The following TAB2 variants were observed in gnomAD, a reference collection of about 807,000 sequenced individuals.
TAB2 encodes TGF-beta-activated kinase 1 and MAP3K7-binding protein 2.
In TAB2, 3 loss-of-function variants were observed where a neutral mutation model predicts 65.0. The ratio of observed to expected loss-of-function variants is 0.05; its 90% CI spans 0.02 to 0.12. The LOEUF is 0.12. TAB2 is among the 10% of genes least tolerant of loss of function. The pLI is 1.00. For synonymous variants in TAB2, 298 were observed against 285.1 expected, an observed-to-expected ratio of 1.05 and a Z score of -0.46; for missense variants, 623 against 840.3, an observed-to-expected ratio of 0.74 and a Z score of 3.20.
chr6:149,303,003 C>G (rs963044189), intron 1 of TAB2, among the ~76,000 whole-genome samples: 7 of 152,182 alleles, frequency 4.6e-5, no homozygotes, highest in African/African-American at 1.7e-4. Context: ...GAGCACGAAC[C>G]CTATTGTGAA....
intron 1 of TAB2, among the ~76,000 whole-genome samples, chr6:149,288,305 G>A (rs960357839): frequency 6.6e-6 from 1 of 152,158 alleles, no homozygotes; most frequent in African/African-American, 2.4e-5. Context: ...ATGCAAATTA[G>A]CAGAGAACAG....
intron 6 of TAB2, chr6:149,400,427 T>A (rs1179404548): frequency 1.2e-6 from 2 of 1,614,172 alleles, no homozygotes; most frequent in South Asian, 2.2e-5. Context: ...AAGTCAAGAC[T>A]GAGAACAACA....
At chr6:149,297,233 T>C (rs1008842352) in intron 1 of TAB2, among the ~76,000 whole-genome samples, 1 of 152,158 alleles carries the variant, frequency 6.6e-6, no homozygotes, top group African/African-American at 2.4e-5. Flanking sequence ...ACACCCACAA[T>C]ACAATTATCA....
Position 149,262,139 on chromosome 6 carries a change from A to G in TAB2, c.-121+43363A>G, listed in dbSNP as rs1432458846. ...TGAACTTTTAGCAGAGAAGTTTTACATAGTGTAAAGCAAAGAAGATGATGA... is the reference window on the plus strand; with the variant it reads ...TGAACTTTTAGCAGAGAAGTTTTACGTAGTGTAAAGCAAAGAAGATGATGA... On this transcript the variant is annotated intron_variant, in intron 1 of 1. Transcript: ENST00000606202. Among the ~76,000 whole-genome samples, 3 of 152,350 alleles carry G rather than the reference A, an allele frequency of 2.0e-5. No homozygotes were observed. In the East Asian group the frequency reaches 5.8e-4, roughly 29 times the overall value.
At position 149,305,919 on chromosome 6, in the gene TAB2, T is replaced by C. The variant is rs189288062; in HGVS notation, c.-120-72099T>C. Among the ~76,000 whole-genome samples, 527 of 152,314 alleles carry C rather than the reference T, an allele frequency of 3.5e-3. 3 individuals carry two copies. The highest frequency in any genetic ancestry group is 0.012 in the African/African-American group (500 of 41,570). ...TGAATTCTTCTAGTCAGTAAAGCAATAATGAGGCCTAGGAACATGAAGATG... is the reference window on the plus strand; with the variant it reads ...TGAATTCTTCTAGTCAGTAAAGCAACAATGAGGCCTAGGAACATGAAGATG... On this transcript the variant is annotated intron_variant, in intron 1 of 1. Transcript: ENST00000606202.
chr6:149,376,368 A>T (rs1032502290), intron 2 of TAB2, among the ~76,000 whole-genome samples: 63 of 152,226 alleles, frequency 4.1e-4, no homozygotes, highest in African/African-American at 1.4e-3. Context: ...TATTTTTCAA[A>T]ACTCCTTTGT....
chr6:149,242,401 C>T (rs1251164474), intron 1 of TAB2, among the ~76,000 whole-genome samples: 2 of 152,156 alleles, frequency 1.3e-5, no homozygotes, highest in Admixed American at 1.3e-4. Context: ...CCTATTAGCA[C>T]TTTGAAATCT....
intron 1 of TAB2, among the ~76,000 whole-genome samples, chr6:149,296,022 G>A (rs1778871562): frequency 6.6e-6 from 1 of 152,120 alleles, no homozygotes; most frequent in African/African-American, 2.4e-5. Context: ...TGCCCACCTC[G>A]GCCTCCCAAA....
intron 1 of TAB2, among the ~76,000 whole-genome samples, chr6:149,344,989 A>G (rs545019364): frequency 7.7e-4 from 118 of 152,302 alleles, no homozygotes; most frequent in Admixed American, 2.4e-3. Flanking sequence ...TGATAGTACA[A>G]TAACTTTCCA....
rs1199088235 is a variant in TAB2 at position 149,397,858 on chromosome 6, GTTC to G, written c.1764+97_1764+99del. 1.0e-5 allele frequency: 16 copies of G among 1,579,794 alleles called. No individual in the cohort carries two copies. In the African/African-American group the frequency reaches 2.0e-4, roughly 20 times the overall value. On this transcript the variant is annotated intron_variant, in intron 4 of 6. Coordinates refer to ENST00000637181, the MANE Select transcript of TAB2 (RefSeq NM_001292034.3). ...TATCTCTATCTAGTTTTCTTCAGAT[GTTC>G]TTAACTCTTGTTTTTCTGTCCTTAC... is the stretch of plus-strand genomic sequence containing the variant.
chr6:149,290,846 A>T (rs1269288094), intron 1 of TAB2, among the ~76,000 whole-genome samples: 1 of 152,224 alleles, frequency 6.6e-6, no homozygotes, highest in Non-Finnish European at 1.5e-5. Context: ...ACCCTGTCTC[A>T]AAAACAAAAA....
chr6:149,377,937 G>A, intron 2 of TAB2, 81 bp from the exon 3 acceptor site: 1 of 1,050,478 alleles, frequency 9.5e-7, no homozygotes, highest in Non-Finnish European at 1.4e-6. Context: ...CAGTCACTTG[G>A]TAATCATGTA....
intron 1 of TAB2, among the ~76,000 whole-genome samples, chr6:149,297,457 C>T (rs1038007390): frequency 2.0e-5 from 3 of 152,158 alleles, no homozygotes; most frequent in Non-Finnish European, 4.4e-5. Context: ...TCATACCCTA[C>T]TGCATTGTTT....
At chr6:149,277,060 A>C (rs1778489532) in intron 1 of TAB2, among the ~76,000 whole-genome samples, 1 of 152,186 alleles carries the variant, frequency 6.6e-6, no homozygotes, top group Non-Finnish European at 1.5e-5. Flanking sequence ...GTCACCATCC[A>C]TGTAAGATGT....
In TAB2 at chr6:149,400,605, A is replaced by G. The variant is rs1258738663; in HGVS notation, c.1939+1421A>G. ...TGGGCAACCAATCAGTGGAACAGACAAACCTGCACAGTTGGAAATGGAAGA... is the reference window on the plus strand; with the variant it reads ...TGGGCAACCAATCAGTGGAACAGACGAACCTGCACAGTTGGAAATGGAAGA... On this transcript the variant is annotated intron_variant, in intron 6 of 6. Transcript: ENST00000637181. The G allele has an allele frequency of 1.1e-5, 18 of 1,614,128 alleles. No individual in the cohort carries two copies. Among genetic ancestry groups the G allele is most frequent in the Admixed American group, 1.7e-5 (1 of 60,012 alleles).
intron 1 of TAB2, among the ~76,000 whole-genome samples, chr6:149,318,403 G>A (rs1779328366): frequency 6.6e-6 from 1 of 151,992 alleles, no homozygotes; most frequent in Admixed American, 6.5e-5. Flanking sequence ...TGTGTGAGGT[G>A]GGGGCGGGGG....
At chr6:149,222,617 C>CAA (rs36037987) in intron 1 of TAB2, among the ~76,000 whole-genome samples, 6 of 126,436 alleles carry the variant, frequency 4.7e-5, no homozygotes, top group African/African-American at 1.1e-4. Flanking sequence ...GACTCTGTCT[C>CAA]AAAAAAAAAA....
At chr6:149,295,931 C>A (rs1447472031) in intron 1 of TAB2, among the ~76,000 whole-genome samples, 1 of 152,070 alleles carries the variant, frequency 6.6e-6, no homozygotes, top group Non-Finnish European at 1.5e-5. Flanking sequence ...ACTACTACAC[C>A]CGGCTAATTT....
intron 3 of TAB2, among the ~76,000 whole-genome samples, chr6:149,387,341 A>G (rs1208146216): frequency 1.3e-5 from 2 of 152,200 alleles, no homozygotes; most frequent in Non-Finnish European, 2.9e-5. Flanking sequence ...CTATCCAAGT[A>G]TCCCAGCACC....
Sources: gnomAD v4.1 joint callset for allele counts (sites outside exome capture counted in the v4.1 genomes callset) on GRCh38, gnomAD v4.1.1 for gene constraint, MANE v1.5 for transcripts, NCBI Gene and HGNC (gene_info 2026-07-23, HGNC 2026-07-21) for gene names.